Variants in STOM observed in about 807,000 individuals in gnomAD.
STOM encodes the protein stomatin.
STOM carries 25 observed loss-of-function variants against 30.6 expected under a neutral mutation model. That is an observed-to-expected ratio of 0.82 (90% CI 0.60 to 1.14). STOM has a LOEUF of 1.14. Among genes scored for constraint, STOM ranks in the 50% most tolerant of loss-of-function variants. The pLI is 0.00. For synonymous variants in STOM, 118 were observed against 130.8 expected (o/e 0.90, Z 0.67); for missense variants, 292 against 365.2 (o/e 0.80, Z 1.63).
intron 1 of STOM, among the ~76,000 whole-genome samples, chr9:121,364,465 A>G (rs2064484475): frequency 6.6e-6 from 1 of 152,176 alleles, no homozygotes; most frequent in Non-Finnish European, 1.5e-5. Context: ...ATTAAAATCC[A>G]TCTATAGTTA....
At chr9:121,343,905 T>G (rs1217358973) in intron 6 of STOM, among the ~76,000 whole-genome samples, 21 of 152,144 alleles carry the variant, frequency 1.4e-4, no homozygotes, top group Admixed American at 1.4e-3. Flanking sequence ...AAGCTGCTAG[T>G]GGAACTGCTT....
At chr9:121,356,573 G>C (rs1465583471) in intron 1 of STOM, among the ~76,000 whole-genome samples, 1 of 152,200 alleles carries the variant, frequency 6.6e-6, no homozygotes, top group Non-Finnish European at 1.5e-5. Context: ...TGAAGACACA[G>C]AATGAGTTAA....
chr9:121,348,420 T>C (rs1312176417), intron 5 of STOM, among the ~76,000 whole-genome samples: 1 of 152,238 alleles, frequency 6.6e-6, no homozygotes, highest in Non-Finnish European at 1.5e-5. Context: ...TTAACCCAGC[T>C]GTTGTAGTCA....
intron 1 of STOM, among the ~76,000 whole-genome samples, chr9:121,359,644 G>A (rs1294419254): frequency 6.6e-6 from 1 of 152,024 alleles, no homozygotes; most frequent in Admixed American, 6.6e-5. Flanking sequence ...AGCCCTGTGA[G>A]GGTATTTTTA....
At chr9:121,366,097 C>G in intron 1 of STOM, 1 of 984,510 alleles carries the variant, frequency 1.0e-6, no homozygotes, top group Non-Finnish European at 1.2e-6. Context: ...TCTCATTTCA[C>G]TATATTCTAC....
Position 121,353,257 on chromosome 9 carries a change from T to C in STOM, c.284A>G (p.Asp95Gly). The C allele has an allele frequency of 6.2e-7, 1 of 1,612,072 alleles. No homozygotes were observed. Among genetic ancestry groups the C allele is most frequent in the Non-Finnish European group, 8.5e-7 (1 of 1,179,112 alleles). Reference protein sequence around the residue: ...LPCTDSFIKVDMRTISFDIPP... With the variant: ...LPCTDSFIKVGMRTISFDIPP... ...AATATCAAATGAAATAGTTCTCATGTCCACTTTGATGAAGCTGTCAGTGCA... is the reference window on the plus strand; with the variant it reads ...AATATCAAATGAAATAGTTCTCATGCCCACTTTGATGAAGCTGTCAGTGCA... The change falls in exon 4 of 7, where the codon GAC becomes GGC. Residue 95 changes from aspartate to glycine, a missense_variant. Physicochemically the swap from Asp to Gly is moderately conservative, Grantham distance 94. Coordinates refer to ENST00000286713, the MANE Select transcript of STOM (RefSeq NM_004099.6).
chr9:121,354,469 A>G, intron 3 of STOM, 132 bp downstream of exon 3: 1 of 620,586 alleles, frequency 1.6e-6, no homozygotes, highest in Non-Finnish European at 2.7e-6. Context: ...GCAGTGAGAC[A>G]TGAGCATGCC....
chr9:121,369,220 T>C (rs1482291262), intron 1 of STOM, among the ~76,000 whole-genome samples: 1 of 152,182 alleles, frequency 6.6e-6, no homozygotes, highest in East Asian at 1.9e-4. Context: ...ATGACTCCAA[T>C]GTCATGTTCT....
At chr9:121,369,978 TCAGTTTA>T (rs2064548313) in intron 1 of STOM, 142 bp downstream of exon 1, 12 of 690,916 alleles carry the variant, frequency 1.7e-5, no homozygotes, top group Non-Finnish European at 2.8e-5. Flanking sequence ...TTCGTGATGC[TCAGTTTA>T]CTAGGGAGGA....
At chr9:121,347,759 A>G (rs1325000387) in intron 6 of STOM, among the ~76,000 whole-genome samples, 1 of 152,228 alleles carries the variant, frequency 6.6e-6, no homozygotes, top group East Asian at 1.9e-4. Context: ...CAACATGTGC[A>G]GTATAACCCT....
In STOM at chr9:121,354,726, T is replaced by C. The variant is rs976110610; in HGVS notation, c.166-53A>G. ...AACATGAAGAGTACAAATATATACA[T>C]GCATGGCTTCTTAAATATATATTTC... On this transcript the variant is annotated intron_variant, in intron 2 of 6. Transcript: ENST00000286713. 3.7e-6 allele frequency: 5 copies of C among 1,341,562 alleles called. No homozygotes were observed. The East Asian group carries it at 9.7e-5, about 26-fold the overall frequency. 83.1% of individuals were successfully genotyped at this position (1,341,562 alleles called of 1,614,324 possible). A position where few individuals can be genotyped will look rare whatever the true frequency, so the allele number is the denominator to read the frequency against.
At chr9:121,344,004 A>G (rs375506885) in intron 6 of STOM, among the ~76,000 whole-genome samples, 1 of 152,192 alleles carries the variant, frequency 6.6e-6, no homozygotes, top group East Asian at 1.9e-4. Flanking sequence ...AGGGCGAATC[A>G]GTGGAATTTG....
At chr9:121,355,367 G>C (rs1370783831) in intron 2 of STOM, among the ~76,000 whole-genome samples, 1 of 148,194 alleles carries the variant, frequency 6.7e-6, no homozygotes, top group Non-Finnish European at 1.5e-5. Context: ...CAGCCTGGGC[G>C]ACAGAGCAAG....
chr9:121,349,706 G>A (rs1036045311), intron 4 of STOM, among the ~76,000 whole-genome samples: 15 of 152,138 alleles, frequency 9.9e-5, no homozygotes, highest in Admixed American at 3.3e-4. Context: ...AGGGTGTTGG[G>A]TGGAGTGGAA....
chr9:121,353,334 C>T (rs760331927), intron 3 of STOM, 32 bp from the exon 4 acceptor site: 2 of 1,445,230 alleles, frequency 1.4e-6, no homozygotes, highest in African/African-American at 1.4e-5. Flanking sequence ...TATACAGACA[C>T]CAGCAACCTA....
At chr9:121,343,108 G>A (rs141697071) in intron 6 of STOM, among the ~76,000 whole-genome samples, 25 of 152,292 alleles carry the variant, frequency 1.6e-4, no homozygotes, top group Non-Finnish European at 3.1e-4. Context: ...GACAAGACCT[G>A]ATTTTTGGGT....
In STOM at chr9:121,356,261, C is replaced by A. The variant is rs566815280; in HGVS notation, c.62-105G>T. 2.2e-5 allele frequency: 19 copies of A among 869,622 alleles called. No individual in the cohort carries two copies. In the African/African-American group the frequency reaches 2.2e-4, roughly 10 times the overall value. The allele number at this position is 869,622 out of a possible 1,614,324, so 53.9% of individuals were successfully genotyped here. ...AATACCTATGTGCTTGGCACTACAC[C>A]AGCTGTTTTACATGAATTTCCCCAT... On this transcript the variant is annotated intron_variant, in intron 1 of 6. Coordinates refer to ENST00000286713, the MANE Select transcript of STOM (RefSeq NM_004099.6).
chr9:121,369,425 G>A (rs1589302405), intron 1 of STOM, among the ~76,000 whole-genome samples: 1 of 142,800 alleles, frequency 7.0e-6, no homozygotes, highest in South Asian at 2.5e-4. Context: ...CTCCACAGGG[G>A]AACGAGACTG....
At position 121,352,823 on chromosome 9, in the gene STOM, G is replaced by T. The variant is rs139636855; in HGVS notation, c.321+397C>A. On this transcript the variant is annotated intron_variant, in intron 4 of 6. Transcript: ENST00000286713. ...TAAAGCCTGTGCTCTGGCAGGGAAC[G>T]GTGGCTCATGCCTGTAATCCCAGCA... Among the ~76,000 whole-genome samples, 25 of 152,282 alleles carry T rather than the reference G, an allele frequency of 1.6e-4. No homozygotes were observed. In the East Asian group the frequency reaches 4.4e-3, roughly 27 times the overall value.
Sources: allele counts gnomAD v4.1 joint callset (sites outside exome capture counted in the v4.1 genomes callset), GRCh38; gene constraint gnomAD v4.1.1; transcripts MANE v1.5; gene names NCBI Gene and HGNC (gene_info 2026-07-23, HGNC 2026-07-21).